Variants in GRAMD1B observed in about 807,000 individuals in gnomAD.
The protein encoded by GRAMD1B is GRAM domain containing 1B, also known as protein Aster-B.
A neutral mutation model predicts 99.7 loss-of-function variants in GRAMD1B; 37 were observed. The ratio of observed to expected loss-of-function variants is 0.37; its 90% CI spans 0.29 to 0.49. The LOEUF (loss-of-function observed/expected upper bound fraction) is 0.49, where lower values mean the gene tolerates loss of function less well. GRAMD1B is among the 20% of genes least tolerant of loss of function. GRAMD1B has a pLI of 0.98. For synonymous variants in GRAMD1B, 427 were observed against 387.6 expected, an observed-to-expected ratio of 1.10 and a Z score of -1.19; for missense variants, 888 against 1,009.2, an observed-to-expected ratio of 0.88 and a Z score of 1.63.
chr11:123,412,824 C>G (rs1013699220), intron 1 of GRAMD1B, among the ~76,000 whole-genome samples: 71 of 152,212 alleles, frequency 4.7e-4, no homozygotes, highest in African/African-American at 1.5e-3. Flanking sequence ...TCTTGTGGCC[C>G]AGGCTGGAGT....
At chr11:123,388,725 T>G (rs1951184559) in intron 1 of GRAMD1B, among the ~76,000 whole-genome samples, 1 of 147,404 alleles carries the variant, frequency 6.8e-6, no homozygotes, top group South Asian at 2.1e-4. Context: ...AAAGAAGAGG[T>G]CAGAGGGAGC....
At chr11:123,433,650 C>T (rs1949010703) in intron 1 of GRAMD1B, among the ~76,000 whole-genome samples, 1 of 151,214 alleles carries the variant, frequency 6.6e-6, no homozygotes, top group South Asian at 2.1e-4. Context: ...TGGTGAGACC[C>T]CCACCCCCAA....
chr11:123,387,597 A>G (rs1947111012), intron 1 of GRAMD1B, among the ~76,000 whole-genome samples: 1 of 152,064 alleles, frequency 6.6e-6, no homozygotes, highest in Non-Finnish European at 1.5e-5. Context: ...TTATGGATCC[A>G]CAAAGCCAAC....
chr11:123,451,837 T>TTTTATA (rs146968088), intron 1 of GRAMD1B, among the ~76,000 whole-genome samples: 67 of 149,064 alleles, frequency 4.5e-4, no homozygotes, highest in Non-Finnish European at 7.3e-4. Context: ...TGACAGCAGA[T>TTTTATA]TATATATATA....
chr11:123,467,654 C>T (rs1007381599), intron 1 of GRAMD1B, among the ~76,000 whole-genome samples: 7 of 152,004 alleles, frequency 4.6e-5, no homozygotes, highest in Admixed American at 2.6e-4. Context: ...AAGTCGGCAT[C>T]GCCAGATGTC....
At chr11:123,437,154 G>T (rs1365303778) in intron 1 of GRAMD1B, among the ~76,000 whole-genome samples, 1 of 152,126 alleles carries the variant, frequency 6.6e-6, no homozygotes, top group Non-Finnish European at 1.5e-5. Flanking sequence ...AGTCTATCAA[G>T]ATGGCACAAT....
rs115305378 is a variant in GRAMD1B, at chr11:123,559,134, G to T, written c.453-18233G>T. On this transcript the variant is annotated intron_variant, in intron 2 of 19. Coordinates refer to ENST00000635736, the MANE Select transcript of GRAMD1B (RefSeq NM_001387025.1). The stretch of plus-strand genomic sequence containing the variant: ...CGGAATAGCAACGTGGGCATCGCCT[G>T]GGGTTTGTTAGAAAGGCTGACTTTT... Among the ~76,000 whole-genome samples the T allele has an allele frequency of 6.1e-3, 922 of 152,328 alleles. 7 individuals carry two copies. The highest frequency in any genetic ancestry group is 0.02 in the African/African-American group (840 of 41,572).
rs192455626 is a variant in GRAMD1B at position 123,400,391 on chromosome 11, C to T, written c.-176+41592C>T. 1.5e-3 allele frequency among the ~76,000 whole-genome samples: 232 copies of T among 152,242 alleles called. 1 individual carries two copies. The highest frequency in any genetic ancestry group is 1.6e-3 in the Non-Finnish European group (110 of 68,006). The stretch of plus-strand genomic sequence containing the variant: ...ACTCGGGAGGCTGAGACAGGAAAAA[C>T]GCTTGAATCCGGGAGGCAGGGGTTG... On this transcript the variant is annotated intron_variant, in intron 1 of 20. Coordinates refer to the GRAMD1B transcript ENST00000638157.
At position 123,415,670 on chromosome 11, in the gene GRAMD1B, C is replaced by G. The variant is rs139508061; in HGVS notation, c.-176+56871C>G. 3.4e-4 allele frequency among the ~76,000 whole-genome samples: 51 copies of G among 152,140 alleles called. 1 individual carries two copies. In the South Asian group the frequency reaches 6.3e-3, roughly 19 times the overall value. ...CGTTAGGTTCTCAGACACTCTTTTC[C>G]AAGCCACTCACTTCTTTCTGCAATT... On this transcript the variant is annotated intron_variant, in intron 1 of 20. Coordinates refer to the GRAMD1B transcript ENST00000638157.
At chr11:123,433,283 C>A (rs1450054825) in intron 1 of GRAMD1B, among the ~76,000 whole-genome samples, 1 of 152,136 alleles carries the variant, frequency 6.6e-6, no homozygotes, top group East Asian at 1.9e-4. Flanking sequence ...GAGGCCAAGG[C>A]GGGAGAATTG....
chr11:123,527,851 G>A (rs934531632), intron 2 of GRAMD1B, among the ~76,000 whole-genome samples: 10 of 152,204 alleles, frequency 6.6e-5, no homozygotes, highest in African/African-American at 2.4e-4. Context: ...AATGCTCTCA[G>A]CTCAGCCTGG....
chr11:123,508,610 T>C (rs2135262111), intron 2 of GRAMD1B, among the ~76,000 whole-genome samples: 1 of 152,378 alleles, frequency 6.6e-6, no homozygotes, highest in East Asian at 1.9e-4. Context: ...TAGTCTGTAT[T>C]GATCTACCTG....
intron 1 of GRAMD1B, among the ~76,000 whole-genome samples, chr11:123,453,991 G>C (rs1246257042): frequency 6.6e-6 from 1 of 152,212 alleles, no homozygotes; most frequent in African/African-American, 2.4e-5. Context: ...TGCCAACACT[G>C]TTCCTCACCT....
At chr11:123,441,562 G>T (rs1340222351) in intron 1 of GRAMD1B, among the ~76,000 whole-genome samples, 1 of 151,876 alleles carries the variant, frequency 6.6e-6, no homozygotes. Flanking sequence ...CAGGAATATT[G>T]CTTAGGCCCA....
rs1340629708 is a variant in GRAMD1B, at chr11:123,441,294, C to G, written c.374+10128C>G. The stretch of plus-strand genomic sequence containing the variant: ...AAACCTTTCATAAGAGATCCTCCCC[C>G]ACAGCCCAAACACCTCCCACCAGGT... On this transcript the variant is annotated intron_variant, in intron 1 of 19. Transcript: ENST00000635736. Among the ~76,000 whole-genome samples the G allele has an allele frequency of 3.3e-5, 5 of 152,228 alleles. No individual in the cohort carries two copies. The East Asian group carries it at 9.7e-4, about 29-fold the overall frequency.
chr11:123,358,750 C>T (rs189203480), exon 1 of GRAMD1B: 1,589 of 152,856 alleles, frequency 0.01, 16 homozygotes, highest in Non-Finnish European at 0.017. Context: ...CGCTGACCGC[C>T]GCGCGCCCGA....
chr11:123,617,223 GC>G, intron 17 of GRAMD1B, among the ~76,000 whole-genome samples: 1 of 122,234 alleles, frequency 8.2e-6, no homozygotes, highest in African/African-American at 3.2e-5. Context: ...TCACTCTGTT[GC>G]CCAGGCTGGA....
intron 2 of GRAMD1B, among the ~76,000 whole-genome samples, chr11:123,520,716 C>T (rs1942118343): frequency 7.0e-6 from 1 of 143,650 alleles, no homozygotes; most frequent in Non-Finnish European, 1.5e-5. Context: ...GAGGTGGAGG[C>T]TGCAGTGAGC....
intron 1 of GRAMD1B, among the ~76,000 whole-genome samples, chr11:123,417,918 G>T (rs1303356876): frequency 2.6e-5 from 4 of 152,088 alleles, no homozygotes; most frequent in African/African-American, 9.7e-5. Flanking sequence ...ATGCCTCTAT[G>T]CCTGGCTAAT....
Sources: allele counts gnomAD v4.1 joint callset (sites outside exome capture counted in the v4.1 genomes callset), GRCh38; gene constraint gnomAD v4.1.1; transcripts MANE v1.5; gene names NCBI Gene and HGNC (gene_info 2026-07-23, HGNC 2026-07-21).